The following EHHADH variants were observed in gnomAD, a reference collection of about 807,000 sequenced individuals.
EHHADH encodes enoyl-CoA hydratase and 3-hydroxyacyl CoA dehydrogenase.
A neutral mutation model predicts 64.4 loss-of-function variants in EHHADH; 48 were observed. That is an observed-to-expected ratio of 0.75 (90% CI 0.59 to 0.95). The LOEUF (loss-of-function observed/expected upper bound fraction) is 0.95, where lower values mean the gene tolerates loss of function less well. Among genes scored for constraint, EHHADH ranks in the 40% least tolerant of loss-of-function variants. The probability of loss-of-function intolerance (pLI) is 0.00; values close to 1 mark genes in which losing one functional copy is unlikely to be tolerated. For synonymous variants in EHHADH, 308 were observed against 326.7 expected, an observed-to-expected ratio of 0.94 and a Z score of 0.62; for missense variants, 854 against 876.6, an observed-to-expected ratio of 0.97 and a Z score of 0.33.
intron 2 of EHHADH, among the ~76,000 whole-genome samples, chr3:185,243,347 A>C (rs1719507718): frequency 1.3e-5 from 2 of 152,180 alleles, no homozygotes; most frequent in Non-Finnish European, 1.5e-5. Flanking sequence ...TGCTCTGTCC[A>C]TCCAAGTCAG....
At chr3:185,206,930 T>A (rs1451668211) in intron 5 of EHHADH, among the ~76,000 whole-genome samples, 1 of 151,162 alleles carries the variant, frequency 6.6e-6, no homozygotes, top group Non-Finnish European at 1.5e-5. Flanking sequence ...TGTTCATGTC[T>A]TAATTCCTAG....
At position 185,192,443 on chromosome 3, in the gene EHHADH, T is replaced by C. The variant is rs570316828; in HGVS notation, c.1955A>G (p.His652Arg). 2 of 1,614,216 alleles carry C rather than the reference T, an allele frequency of 1.2e-6. No individual in the cohort carries two copies. Among genetic ancestry groups the C allele is most frequent in the South Asian group, 1.1e-5 (1 of 91,082 alleles). The part of the protein sequence containing the change: ...SPEHIDVVYL[H>R]GYGWPRHKGG... Reference sequence around the variant, plus strand: ...CTTGTGCCTTGGCCATCCATATCCATGTAAATAGACAACATCAATGTGCTC... The same window carrying C: ...CTTGTGCCTTGGCCATCCATATCCACGTAAATAGACAACATCAATGTGCTC... Residue 652 changes from histidine to arginine, a missense_variant, in exon 7 of 7, where the codon CAT becomes CGT. His to Arg is a conservative substitution (Grantham distance 29). Transcript: ENST00000231887.
intron 5 of EHHADH, among the ~76,000 whole-genome samples, chr3:185,208,776 A>G (rs969494639): frequency 5.3e-5 from 8 of 152,246 alleles, no homozygotes; most frequent in African/African-American, 1.9e-4. Context: ...CAATCCAAAC[A>G]TCCATCAGCT....
chr3:185,249,056 C>A (rs1227357428), intron 1 of EHHADH, among the ~76,000 whole-genome samples: 1 of 152,132 alleles, frequency 6.6e-6, no homozygotes. Context: ...TGAGTTACCT[C>A]AAATATCCAT....
At chr3:185,238,520 T>A (rs532688830) in intron 2 of EHHADH, among the ~76,000 whole-genome samples, 2 of 152,318 alleles carry the variant, frequency 1.3e-5, no homozygotes, top group East Asian at 3.9e-4. Flanking sequence ...GTTGAGAATT[T>A]TTTCATATGT....
chr3:185,204,141 AAAAAAAAAAAAAAAAAAG>A (rs1718307629), intron 6 of EHHADH, among the ~76,000 whole-genome samples: 1 of 149,738 alleles, frequency 6.7e-6, no homozygotes, highest in Non-Finnish European at 1.5e-5. Context: ...TCAAAAAAAA[AAAAAAAAAAAAAAAAAAG>A]AATAAAACAT....
At chr3:185,199,681 A>AT (rs774956704) in intron 6 of EHHADH, among the ~76,000 whole-genome samples, 2 of 152,240 alleles carry the variant, frequency 1.3e-5, no homozygotes, top group Non-Finnish European at 2.9e-5. Flanking sequence ...CATAAATAAA[A>AT]TTTTATTGGA....
Position 185,192,245 on chromosome 3 carries a change from G to C in EHHADH, c.2153C>G (p.Ser718Cys). ...ACTGAATCACAATTTACTGCTAGGG[G>C]AGCCTGCCAAGCTTTGCCATTCTTT... ...PLKEWQSLAG[S>C]PSSKL Residue 718 changes from serine (S) to cysteine (C), a missense_variant, in exon 7 of 7, where the codon TCC becomes TGC. Transcript: ENST00000231887. 6.2e-7 allele frequency: 1 copy of C among 1,613,578 alleles called. No individual in the cohort carries two copies. The highest frequency in any genetic ancestry group is 1.3e-5 in the African/African-American group (1 of 74,946).
At chr3:185,253,806 A>G in intron 1 of EHHADH, 143 bp downstream of exon 1, 1 of 1,376,174 alleles carries the variant, frequency 7.3e-7, no homozygotes, top group South Asian at 1.8e-5. Flanking sequence ...GAAAAGAAAA[A>G]AAAAGTTCCT....
chr3:185,200,650 A>G (rs1264357464), intron 6 of EHHADH, among the ~76,000 whole-genome samples: 1 of 152,218 alleles, frequency 6.6e-6, no homozygotes, highest in Non-Finnish European at 1.5e-5. Context: ...TTTGACTGCC[A>G]TGGAATTGAA....
intron 6 of EHHADH, among the ~76,000 whole-genome samples, chr3:185,200,176 C>A (rs1036829878): frequency 6.6e-6 from 1 of 152,134 alleles, no homozygotes; most frequent in Non-Finnish European, 1.5e-5. Context: ...GCCTAACCAG[C>A]CCACTGTGGA....
intron 4 of EHHADH, among the ~76,000 whole-genome samples, chr3:185,220,518 G>A (rs6772706): frequency 3.3e-5 from 5 of 152,148 alleles, no homozygotes; most frequent in Non-Finnish European, 5.9e-5. Flanking sequence ...ATCTAGGTTT[G>A]TGTAAGTAAA....
chr3:185,192,324 G>A lies in EHHADH; in HGVS notation c.2074C>T (p.Leu692=), dbSNP rs1717896441. 6.2e-7 allele frequency: 1 copy of A among 1,614,070 alleles called. No individual in the cohort carries two copies. The highest frequency in any genetic ancestry group is 1.3e-5 in the African/African-American group (1 of 74,924). ...TTTTTTAGATAGTCACTTGGCTCCA[G>A]TTGGGGAATATCAGGGTTCTGCCTG... ...YYRQNPDIPQ[L]EPSDYLKKLA... is the part of the protein sequence containing the mutation. The change falls in exon 7 of 7, where the codon CTG becomes TTG. Residue 692 remains leucine (L), a synonymous_variant. Transcript: ENST00000231887.
chr3:185,241,605 G>A (rs1042320805), intron 2 of EHHADH, among the ~76,000 whole-genome samples: 2 of 152,050 alleles, frequency 1.3e-5, no homozygotes, highest in Non-Finnish European at 2.9e-5. Context: ...ATATTCTTTT[G>A]AGAATTGTCT....
At position 185,193,384 on chromosome 3, in the gene EHHADH, C is replaced by G. The variant is rs1717966795; in HGVS notation, c.1014G>C (p.Lys338Asn). 3 of 1,614,192 alleles carry G rather than the reference C, an allele frequency of 1.9e-6. No individual in the cohort carries two copies. Among genetic ancestry groups the G allele is most frequent in the Non-Finnish European group, 2.5e-6 (3 of 1,180,038 alleles). ...SDKNQLATAN[K>N]MITSVLEKEA... ...CTTTTTCCAAGACAGAGGTTATCAT[C>G]TTGTTTGCAGTTGCTAGCTGGTTTT... The change falls in exon 7 of 7, where the codon AAG becomes AAC. Residue 338 changes from lysine (K) to asparagine (N), a missense_variant. Coordinates refer to ENST00000231887, the MANE Select transcript of EHHADH (RefSeq NM_001966.4).
At chr3:185,248,563 TC>T (rs750478585) in intron 1 of EHHADH, 46 bp from the exon 2 acceptor site, 12 of 1,400,410 alleles carry the variant, frequency 8.6e-6, no homozygotes, top group Non-Finnish European at 1.2e-5. Context: ...AGAATTAAAT[TC>T]CTACCATTCA....
intron 5 of EHHADH, among the ~76,000 whole-genome samples, chr3:185,209,800 G>A (rs1216399729): frequency 6.6e-6 from 1 of 152,226 alleles, no homozygotes; most frequent in African/African-American, 2.4e-5. Context: ...TTTCCCATAT[G>A]ATGTTAAAGA....
intron 5 of EHHADH, among the ~76,000 whole-genome samples, chr3:185,209,848 G>T (rs1472575864): frequency 6.6e-6 from 1 of 152,168 alleles, no homozygotes. Context: ...GTGGTTATAG[G>T]CATGTGGTCC....
chr3:185,229,897 G>A (rs114299017), intron 3 of EHHADH, among the ~76,000 whole-genome samples: 146 of 152,296 alleles, frequency 9.6e-4, no homozygotes, highest in African/African-American at 3.4e-3. Context: ...CAGAATGGGA[G>A]AGAATATACA....
Sources: allele counts gnomAD v4.1 joint callset (sites outside exome capture counted in the v4.1 genomes callset), GRCh38; gene constraint gnomAD v4.1.1; transcripts MANE v1.5; gene names NCBI Gene and HGNC (gene_info 2026-07-23, HGNC 2026-07-21).